GRAMD1B: variants seen among roughly 807,000 people sequenced by gnomAD.
GRAMD1B encodes the protein protein Aster-B.
GRAMD1B carries 37 observed loss-of-function variants against 99.7 expected under a neutral mutation model. That is an observed-to-expected ratio of 0.37 (90% CI 0.29 to 0.49). The LOEUF is 0.49. Among genes scored for constraint, GRAMD1B ranks in the 20% least tolerant of loss-of-function variants. GRAMD1B has a pLI of 0.98. For synonymous variants in GRAMD1B, 427 were observed against 387.6 expected (o/e 1.10, Z -1.19); for missense variants, 888 against 1,009.2 (o/e 0.88, Z 1.63).
chr11:123,620,883 T>A (rs780063579), intron 19 of GRAMD1B, among the ~76,000 whole-genome samples: 2 of 152,178 alleles, frequency 1.3e-5, no homozygotes, highest in African/African-American at 2.4e-5. Flanking sequence ...ATTCCAACAT[T>A]GAAAGTGTTC....
In GRAMD1B at chr11:123,587,373, C is replaced by T. The variant is rs573003087; in HGVS notation, c.684+3041C>T. 1.1e-4 allele frequency among the ~76,000 whole-genome samples: 17 copies of T among 152,310 alleles called. No individual in the cohort carries two copies. Among genetic ancestry groups the T allele is most frequent in the Admixed American group, 9.8e-4 (15 of 15,294 alleles). On this transcript the variant is annotated intron_variant, in intron 4 of 19. Coordinates refer to ENST00000635736, the MANE Select transcript of GRAMD1B (RefSeq NM_001387025.1). This position sits in a 1 kb window ranked among gnomAD's most constrained non-coding sequence, Gnocchi z 4.2. ...TCCTTACCCCCGAAGCCCCAGTCTA[C>T]CACCCCAGTCATATTCATCAGGGCC...
intron 2 of GRAMD1B, among the ~76,000 whole-genome samples, chr11:123,565,857 A>G (rs942695782): frequency 6.6e-6 from 1 of 152,224 alleles, no homozygotes; most frequent in Non-Finnish European, 1.5e-5. Context: ...GTTGTGAACA[A>G]TCTCAGGAAA....
intron 1 of GRAMD1B, among the ~76,000 whole-genome samples, chr11:123,439,799 A>G (rs920918879): frequency 6.6e-6 from 1 of 152,180 alleles, no homozygotes; most frequent in Non-Finnish European, 1.5e-5. Flanking sequence ...CCCTCTCAGC[A>G]CATCACTGTG....
rs1053383643 is a variant in GRAMD1B at position 123,598,421 on chromosome 11, A to G, written c.970-2047A>G. On this transcript the variant is annotated intron_variant, in intron 7 of 19. Coordinates refer to ENST00000635736, the MANE Select transcript of GRAMD1B (RefSeq NM_001387025.1). ...CTGTCCTTGCTTGCTCGCGTTGTAC[A>G]TTTTCATGAGTGAGATGTCGCTGTT... is the stretch of plus-strand genomic sequence containing the variant. 9.4e-6 allele frequency: 9 copies of G among 958,302 alleles called. No individual in the cohort carries two copies. The African/African-American group carries it at 1.3e-4, about 14-fold the overall frequency. The allele number at this position is 958,302 out of a possible 1,614,324, so 59.4% of individuals were successfully genotyped here.
intron 7 of GRAMD1B, chr11:123,598,050 C>A (rs546859778): frequency 2.1e-6 from 3 of 1,395,560 alleles, no homozygotes; most frequent in African/African-American, 1.4e-5. Context: ...CATTCTGAAG[C>A]CTTCTGCAAT....
In GRAMD1B at chr11:123,610,043, G is replaced by A. The variant is rs765484962; in HGVS notation, c.1776+130G>A. On this transcript the variant is annotated intron_variant, in intron 13 of 19. Coordinates refer to ENST00000635736, the MANE Select transcript of GRAMD1B (RefSeq NM_001387025.1). The surrounding 1 kb of genome is among the most constrained non-coding windows in gnomAD (Gnocchi z 4.1). The stretch of plus-strand genomic sequence containing the variant: ...CATTTTGCCCCAAAGCGGTGGTGGC[G>A]TCTTGCTTGTTTAGTTGCTGCTGAT... The A allele has an allele frequency of 6.5e-5, 54 of 836,892 alleles. 1 individual carries two copies. Among genetic ancestry groups the A allele is most frequent in the South Asian group, 2.7e-4 (17 of 62,168 alleles). 51.8% of individuals were successfully genotyped at this position (836,892 alleles called of 1,614,324 possible).
chr11:123,363,122 C>T (rs780149327), intron 1 of GRAMD1B, among the ~76,000 whole-genome samples: 25 of 152,050 alleles, frequency 1.6e-4, no homozygotes, highest in Admixed American at 4.6e-4. Context: ...TTCTCTTCCC[C>T]GTTTTCCTCT....
At chr11:123,515,704 A>G (rs1364218255) in intron 2 of GRAMD1B, among the ~76,000 whole-genome samples, 3 of 152,210 alleles carry the variant, frequency 2.0e-5, no homozygotes, top group Non-Finnish European at 4.4e-5. Context: ...TACCACCACT[A>G]TGTATATGTA....
At chr11:123,560,362 A>C in intron 2 of GRAMD1B, 1 of 1,175,868 alleles carries the variant, frequency 8.5e-7, no homozygotes, top group Non-Finnish European at 1.1e-6. Context: ...GACCACACCA[A>C]ATAACAGCAG....
Position 123,613,285 on chromosome 11 carries a change from T to C in GRAMD1B, c.2024-170T>C, listed in dbSNP as rs1953858495. The C allele has an allele frequency of 4.5e-5, 27 of 601,288 alleles. No homozygotes were observed. The South Asian group carries it at 5.7e-4, about 13-fold the overall frequency. The allele number at this position is 601,288 out of a possible 1,614,324, so 37.2% of individuals were successfully genotyped here. A position where few individuals can be genotyped will look rare whatever the true frequency, so the allele number is the denominator to read the frequency against. ...ATGTTGAACAACCCCAGAGGAAGGG[T>C]TTGACTGGGGCTGGGTCCCACAAGT... On this transcript the variant is annotated intron_variant, in intron 15 of 19. Coordinates refer to ENST00000635736, the MANE Select transcript of GRAMD1B (RefSeq NM_001387025.1).
intron 1 of GRAMD1B, among the ~76,000 whole-genome samples, chr11:123,431,796 T>G (rs1488053767): frequency 1.3e-5 from 2 of 152,218 alleles, no homozygotes; most frequent in Non-Finnish European, 2.9e-5. Context: ...CCAGCTAGTT[T>G]TTTGCCTAGG....
intron 2 of GRAMD1B, among the ~76,000 whole-genome samples, chr11:123,518,658 C>T (rs972745923): frequency 2.0e-5 from 3 of 152,138 alleles, no homozygotes; most frequent in Admixed American, 2.0e-4. Flanking sequence ...ACTAAGCCTG[C>T]GTGTCTTGTG....
At chr11:123,617,483 C>G (rs1954590574) in intron 17 of GRAMD1B, among the ~76,000 whole-genome samples, 1 of 152,150 alleles carries the variant, frequency 6.6e-6, no homozygotes, top group African/African-American at 2.4e-5. Context: ...GCCACCATGC[C>G]CAGCCTATCT....
chr11:123,397,408 A>AAAAACAAAACAAAACAAAACAAAAC (rs148210099), intron 1 of GRAMD1B, among the ~76,000 whole-genome samples: 22 of 150,598 alleles, frequency 1.5e-4, no homozygotes, highest in African/African-American at 5.2e-4. Flanking sequence ...CTCTGTCTCA[A>AAAAACAAAACAAAACAAAACAAAAC]AAAACAAAAC....
chr11:123,396,573 GC>G (rs978415484), intron 1 of GRAMD1B, among the ~76,000 whole-genome samples: 3 of 152,140 alleles, frequency 2.0e-5, no homozygotes, highest in Admixed American at 1.3e-4. Flanking sequence ...ACCACTCCCA[GC>G]CCCCATATGC....
intron 3 of GRAMD1B, among the ~76,000 whole-genome samples, chr11:123,580,585 G>C (rs1949243482): frequency 6.6e-6 from 1 of 152,112 alleles, no homozygotes; most frequent in African/African-American, 2.4e-5. Flanking sequence ...TACTATGTAG[G>C]CATGGCACCA....
chr11:123,567,238 G>T (rs1031738089), intron 2 of GRAMD1B, among the ~76,000 whole-genome samples: 1 of 152,202 alleles, frequency 6.6e-6, no homozygotes, highest in African/African-American at 2.4e-5. Flanking sequence ...GGAGGAAATG[G>T]TGCAAGAGAA....
intron 1 of GRAMD1B, among the ~76,000 whole-genome samples, chr11:123,458,117 G>GAA (rs1425625629): frequency 6.6e-6 from 1 of 152,216 alleles, no homozygotes; most frequent in Non-Finnish European, 1.5e-5. Context: ...GAGAGAGAGA[G>GAA]AGGAGAGGGG....
rs1401999992 is a variant in GRAMD1B at position 123,533,966 on chromosome 11, C to G, written c.453-43401C>G. On this transcript the variant is annotated intron_variant, in intron 2 of 19. Transcript: ENST00000635736. ...TCTATGAGAAGACATGAGACTAATA[C>G]GAAAAGTTTGAGGAATAGTAATTTA... Among the ~76,000 whole-genome samples, 43 of 152,122 alleles carry G rather than the reference C, an allele frequency of 2.8e-4. 1 individual carries two copies. The highest frequency in any genetic ancestry group is 2.8e-3 in the Admixed American group (43 of 15,278).
Sources: gnomAD v4.1 joint callset for allele counts (sites outside exome capture counted in the v4.1 genomes callset) on GRCh38, gnomAD v4.1.1 for gene constraint, Gnocchi (gnomAD v3.1) non-coding constraint, MANE v1.5 for transcripts, NCBI Gene and HGNC (gene_info 2026-07-23, HGNC 2026-07-21) for gene names.